PCDHA13: variants seen among roughly 807,000 people sequenced by gnomAD.
PCDHA13 encodes protocadherin alpha-13.
Under a neutral mutation model 64.8 loss-of-function variants are expected in PCDHA13, and 54 were observed. That is an observed-to-expected ratio of 0.83 (90% CI 0.67 to 1.04). The LOEUF is 1.04. PCDHA13 is among the 50% of genes least tolerant of loss of function. The pLI, the probability that PCDHA13 is intolerant of heterozygous loss-of-function variation, is 0.00. For synonymous variants in PCDHA13, 587 were observed against 564.4 expected (o/e 1.04, Z -0.57); for missense variants, 1,248 against 1,254.3 (o/e 0.99, Z 0.08).
chr5:140,996,478 A>C (rs1241472780), intron 3 of PCDHA13, among the ~76,000 whole-genome samples: 1 of 152,214 alleles, frequency 6.6e-6, no homozygotes, highest in East Asian at 1.9e-4. Flanking sequence ...AGTAGTGCTC[A>C]GGCCTGGGCA....
At chr5:140,985,974 C>T (rs562510809) in intron 3 of PCDHA13, among the ~76,000 whole-genome samples, 3 of 152,198 alleles carry the variant, frequency 2.0e-5, no homozygotes, top group Admixed American at 1.3e-4. Context: ...CTCCTGACCT[C>T]GTGATCCGCC....
chr5:140,883,987 G>A lies in PCDHA13; in HGVS notation c.1719G>A (p.Ala573=), dbSNP rs782597930. The A allele has an allele frequency of 1.2e-6, 2 of 1,612,956 alleles. No homozygotes were observed. Among genetic ancestry groups the A allele is most frequent in the East Asian group, 2.2e-5 (1 of 44,858 alleles). ...TGCTGACGCCCGGGGCTGGCAGCGCGGGAGGCACAGTGAGCGAGCTGATGC... is the reference window on the plus strand; with the variant it reads ...TGCTGACGCCCGGGGCTGGCAGCGCAGGAGGCACAGTGAGCGAGCTGATGC... ...PALLTPGAGS[A]GGTVSELMPR... is the part of the protein sequence containing the mutation. Residue 573 remains alanine, a synonymous_variant, in exon 1 of 4, where the codon GCG becomes GCA. Transcript: ENST00000289272.
chr5:140,997,124 C>T (rs933067358), intron 3 of PCDHA13, among the ~76,000 whole-genome samples: 2 of 152,074 alleles, frequency 1.3e-5, no homozygotes, highest in Non-Finnish European at 2.9e-5. Context: ...CCCACATACA[C>T]AATGCCCCCA....
At position 140,936,850 on chromosome 5, in the gene PCDHA13, CTTCTCAGT is replaced by C. The variant is rs1421923207; in HGVS notation, c.2395-42094_2395-42087del. Among the ~76,000 whole-genome samples the C allele has an allele frequency of 3.1e-4, 47 of 152,208 alleles. 1 individual carries two copies. Among genetic ancestry groups the C allele is most frequent in the African/African-American group, 1.1e-3 (46 of 41,532 alleles). On this transcript the variant is annotated intron_variant, in intron 1 of 3. Coordinates refer to ENST00000289272, the MANE Select transcript of PCDHA13 (RefSeq NM_018904.3). ...ATTTCTATATAAATTGTAGATTCAG[CTTCTCAGT>C]TTCTATTTTAAAAAACCCTGCTTTG... is the stretch of plus-strand genomic sequence containing the variant.
chr5:140,927,685 A>G lies in PCDHA13; in HGVS notation c.2394+43023A>G, dbSNP rs782137754. 2.5e-6 allele frequency: 4 copies of G among 1,614,092 alleles called. No individual in the cohort carries two copies. In the African/African-American group the frequency reaches 4.0e-5, roughly 16 times the overall value. ...AGCCTTGGATCCAGATGAAGGGTCC[A>G]ATGGGGAAGTCCAGTACTCCCTAAG... is the stretch of plus-strand genomic sequence containing the variant. On this transcript the variant is annotated intron_variant, in intron 1 of 3. Transcript: ENST00000289272.
At chr5:140,921,379 T>C (rs1186418255) in intron 1 of PCDHA13, among the ~76,000 whole-genome samples, 1 of 152,180 alleles carries the variant, frequency 6.6e-6, no homozygotes, top group Non-Finnish European at 1.5e-5. Context: ...TTTCTACATA[T>C]TTGATAAACA....
At chr5:140,899,494 T>C (rs1387191802) in intron 1 of PCDHA13, among the ~76,000 whole-genome samples, 3 of 152,250 alleles carry the variant, frequency 2.0e-5, no homozygotes, top group Admixed American at 2.0e-4. Flanking sequence ...GGATTACATT[T>C]ATTGATTTGC....
At chr5:141,007,419 T>C (rs1554261276) in intron 3 of PCDHA13, among the ~76,000 whole-genome samples, 3 of 141,394 alleles carry the variant, frequency 2.1e-5, no homozygotes, top group African/African-American at 5.2e-5. Flanking sequence ...AAAAAAAAAA[T>C]TAGCCAGGCA....
chr5:140,924,895 AAAAAAAAAAATAAAATAAAAT>A (rs1361418672), intron 1 of PCDHA13, among the ~76,000 whole-genome samples: 1,915 of 132,218 alleles, frequency 0.014, 23 homozygotes, highest in Admixed American at 0.024. Context: ...AACCTGTCTC[AAAAAAAAAAATAAAATAAAAT>A]AAAATAAAAT....
intron 3 of PCDHA13, among the ~76,000 whole-genome samples, chr5:140,994,578 A>C (rs1563601392): frequency 6.6e-6 from 1 of 151,958 alleles, no homozygotes; most frequent in Non-Finnish European, 1.5e-5. Context: ...GGTGGCATGC[A>C]CTTGTAGTCT....
intron 1 of PCDHA13, among the ~76,000 whole-genome samples, chr5:140,916,434 C>T (rs1554197442): frequency 1.3e-5 from 2 of 152,184 alleles, no homozygotes; most frequent in Non-Finnish European, 2.9e-5. Context: ...AACCTAAGGC[C>T]CACAGTATAC....
chr5:140,928,917 G>A (rs181013464), intron 1 of PCDHA13: 4 of 1,614,134 alleles, frequency 2.5e-6, no homozygotes, highest in Admixed American at 1.7e-5. Context: ...AACCAGGAGG[G>A]CAGCTTTCTG....
chr5:141,002,284 A>T (rs1334096097), intron 3 of PCDHA13, among the ~76,000 whole-genome samples: 1 of 152,180 alleles, frequency 6.6e-6, no homozygotes, highest in Non-Finnish European at 1.5e-5. Flanking sequence ...CAAAGGGATG[A>T]ATGGGGAGCA....
At chr5:140,899,336 A>G (rs2067275819) in intron 1 of PCDHA13, among the ~76,000 whole-genome samples, 1 of 152,130 alleles carries the variant, frequency 6.6e-6, no homozygotes, top group Non-Finnish European at 1.5e-5. Context: ...TTTGTCATAG[A>G]TAGCTCTTAT....
intron 3 of PCDHA13, among the ~76,000 whole-genome samples, chr5:141,000,391 C>CTATATA (rs2097912428): frequency 7.1e-5 from 4 of 56,662 alleles, no homozygotes; most frequent in Non-Finnish European, 1.2e-4. Flanking sequence ...CTCTCTCTCT[C>CTATATA]TCTCTATATA....
chr5:140,956,852 G>A (rs931766503), intron 1 of PCDHA13, among the ~76,000 whole-genome samples: 1 of 152,062 alleles, frequency 6.6e-6, no homozygotes. Flanking sequence ...TGGGTTAAAT[G>A]GTTGAATGAA....
chr5:140,905,019 A>C (rs1000367022), intron 1 of PCDHA13, among the ~76,000 whole-genome samples: 23 of 152,044 alleles, frequency 1.5e-4, no homozygotes, highest in African/African-American at 5.6e-4. Context: ...ATTCTTTTCT[A>C]TGCAGAAGCT....
At chr5:140,965,196 AG>A (rs2095879471) in intron 1 of PCDHA13, among the ~76,000 whole-genome samples, 3 of 152,254 alleles carry the variant, frequency 2.0e-5, no homozygotes, top group Non-Finnish European at 4.4e-5. Flanking sequence ...ATGAGGCAAT[AG>A]ATTTCAAATT....
intron 3 of PCDHA13, among the ~76,000 whole-genome samples, chr5:140,989,845 T>C (rs1180098230): frequency 2.6e-5 from 4 of 152,118 alleles, no homozygotes; most frequent in Non-Finnish European, 5.9e-5. Flanking sequence ...AATGAGTGTG[T>C]GGACTGGAGA....
Sources: gnomAD v4.1 joint callset for allele counts (sites outside exome capture counted in the v4.1 genomes callset) on GRCh38, gnomAD v4.1.1 for gene constraint, MANE v1.5 for transcripts, NCBI Gene and HGNC (gene_info 2026-07-23, HGNC 2026-07-21) for gene names.